The following PITPNM2 variants were observed in gnomAD, a reference collection of about 807,000 sequenced individuals.
The protein encoded by PITPNM2 is membrane-associated phosphatidylinositol transfer protein 2.
PITPNM2 carries 35 observed loss-of-function variants against 132.2 expected under a neutral mutation model. The ratio of observed to expected loss-of-function variants is 0.26; its 90% CI spans 0.20 to 0.35. PITPNM2 has a LOEUF of 0.35. Ranked by LOEUF, PITPNM2 falls within the 10% of genes least tolerant of loss-of-function variation. The pLI is 1.00. For synonymous variants in PITPNM2, 738 were observed against 799.2 expected, an observed-to-expected ratio of 0.92 and a Z score of 1.29; for missense variants, 1,332 against 1,912.0, an observed-to-expected ratio of 0.70 and a Z score of 5.66.
chr12:123,073,931 C>T (rs566543668), intron 2 of PITPNM2, among the ~76,000 whole-genome samples: 39 of 152,318 alleles, frequency 2.6e-4, no homozygotes, highest in Non-Finnish European at 2.5e-4. Context: ...TGAGCACCCC[C>T]CAGCTCTCCT....
rs116081020 is a variant in PITPNM2 at position 123,082,175 on chromosome 12, G to A, written c.-96+28210C>T. Among the ~76,000 whole-genome samples, 7 of 152,230 alleles carry A rather than the reference G, an allele frequency of 4.6e-5. No individual in the cohort carries two copies. Among genetic ancestry groups the A allele is most frequent in the South Asian group, 2.1e-4 (1 of 4,824 alleles). The stretch of plus-strand genomic sequence containing the variant: ...GCAGGCTCTGCCCTGCCACCTCTCC[G>A]CCCTGGCAAGGCCGTGGGCAAGTTC... On this transcript the variant is annotated intron_variant, in intron 2 of 25. Coordinates refer to ENST00000320201, the MANE Select transcript of PITPNM2 (RefSeq NM_020845.3). This position sits in a 1 kb window ranked among gnomAD's most constrained non-coding sequence, Gnocchi z 5.4.
intron 2 of PITPNM2, among the ~76,000 whole-genome samples, chr12:123,067,244 T>C (rs920853996): frequency 4.6e-5 from 7 of 151,860 alleles, no homozygotes; most frequent in Non-Finnish European, 8.8e-5. Context: ...ACACCTGAGG[T>C]CAGGAGTTCG....
intron 2 of PITPNM2, among the ~76,000 whole-genome samples, chr12:123,045,481 T>C (rs2040622612): frequency 6.6e-6 from 1 of 152,318 alleles, no homozygotes. Context: ...CACAAATGGA[T>C]TGAATGTTGG....
chr12:122,988,258 G>A lies in PITPNM2; in HGVS notation c.2973C>T (p.Arg991=), dbSNP rs1489478183. The change falls in exon 20 of 26, where the codon CGC becomes CGT. Residue 991 remains arginine, a synonymous_variant. Coordinates refer to ENST00000320201, the MANE Select transcript of PITPNM2 (RefSeq NM_020845.3). ...TPSKPREKWQ[R]KRTHVKLRNV... ...CCCGCAGCTTCACGTGGGTCCGCTT[G>A]CGCTGCCACTTCTCCCTTGGCTTTG... 6.2e-7 allele frequency: 1 copy of A among 1,612,992 alleles called. No homozygotes were observed. The highest frequency in any genetic ancestry group is 1.7e-5 in the Admixed American group (1 of 60,030).
intron 2 of PITPNM2, chr12:123,089,020 A>G (rs996319225): frequency 6.6e-6 from 1 of 152,246 alleles, no homozygotes; most frequent in African/African-American, 2.4e-5. Context: ...TGTTGGGCTT[A>G]CTTGCTTACA....
At chr12:123,014,250 G>A (rs185701229) in intron 3 of PITPNM2, among the ~76,000 whole-genome samples, 1 of 152,316 alleles carries the variant, frequency 6.6e-6, no homozygotes, top group East Asian at 1.9e-4. Flanking sequence ...CCCTCTCCCA[G>A]ACCTAGTGCT....
intron 1 of PITPNM2, among the ~76,000 whole-genome samples, chr12:123,124,472 G>A (rs2043097774): frequency 6.6e-6 from 1 of 152,038 alleles, no homozygotes. Context: ...AATATATACA[G>A]AGAATCTCTC....
At chr12:123,073,239 C>T (rs1419590385) in intron 2 of PITPNM2, among the ~76,000 whole-genome samples, 2 of 152,162 alleles carry the variant, frequency 1.3e-5, no homozygotes, top group African/African-American at 4.8e-5. Flanking sequence ...AGTCTCTAAG[C>T]TACGGAAAAA....
intron 12 of PITPNM2, 71 bp downstream of exon 12, chr12:122,996,650 T>C: frequency 1.2e-6 from 2 of 1,611,248 alleles, no homozygotes; most frequent in Non-Finnish European, 1.7e-6. Flanking sequence ...GGCCGTCACC[T>C]TCCCCCTGAG....
intron 2 of PITPNM2, among the ~76,000 whole-genome samples, chr12:123,049,663 T>C (rs189325657): frequency 4.7e-4 from 72 of 152,238 alleles, no homozygotes; most frequent in African/African-American, 1.7e-3. Flanking sequence ...TTGCCACACT[T>C]TGCAATGATC....
intron 2 of PITPNM2, among the ~76,000 whole-genome samples, chr12:123,100,279 A>G (rs547669986): frequency 2.0e-5 from 3 of 152,340 alleles, no homozygotes; most frequent in African/African-American, 7.2e-5. Context: ...CATATGACCC[A>G]GCAATTCCAC....
chr12:123,081,781 G>A (rs558361003), intron 2 of PITPNM2: 4 of 152,276 alleles, frequency 2.6e-5, no homozygotes, highest in Admixed American at 6.5e-5. Context: ...GTAGGCAAAA[G>A]TCTGTCTGCT....
At chr12:123,034,033 T>C (rs564525724) in intron 3 of PITPNM2, among the ~76,000 whole-genome samples, 1 of 152,122 alleles carries the variant, frequency 6.6e-6, no homozygotes, top group East Asian at 1.9e-4. Flanking sequence ...CTCTGCCATG[T>C]TAGGAAACAG....
rs1315147450 is a variant in PITPNM2, at chr12:123,111,701, T to A, written c.-199-1213A>T. Among the ~76,000 whole-genome samples the A allele has an allele frequency of 3.3e-5, 5 of 152,180 alleles. No homozygotes were observed. The highest frequency in any genetic ancestry group is 7.3e-5 in the Non-Finnish European group (5 of 68,028). ...TGGGACTGAGGCTCCATCGCTGTCC[T>A]GCCCCAGCCCCTTGTCTCCACGGCT... On this transcript the variant is annotated intron_variant, in intron 1 of 25. Coordinates refer to ENST00000320201, the MANE Select transcript of PITPNM2 (RefSeq NM_020845.3). The surrounding 1 kb of genome is among the most constrained non-coding windows in gnomAD (Gnocchi z 4.1).
In PITPNM2 at chr12:123,058,067, C is replaced by T. The variant is rs1168262001; in HGVS notation, c.-95-23382G>A. 1.3e-5 allele frequency among the ~76,000 whole-genome samples: 2 copies of T among 152,228 alleles called. No individual in the cohort carries two copies. On this transcript the variant is annotated intron_variant, in intron 2 of 25. Coordinates refer to ENST00000320201, the MANE Select transcript of PITPNM2 (RefSeq NM_020845.3). The surrounding 1 kb of genome is among the most constrained non-coding windows in gnomAD (Gnocchi z 4.0). ...AAAAAACAAACTATGCCTTCATCCCCTGACCTTTTACTCTTCAAAGTACTT... is the reference window on the plus strand; with the variant it reads ...AAAAAACAAACTATGCCTTCATCCCTTGACCTTTTACTCTTCAAAGTACTT...
At chr12:123,055,350 G>A (rs1173699303) in intron 2 of PITPNM2, among the ~76,000 whole-genome samples, 1 of 152,180 alleles carries the variant, frequency 6.6e-6, no homozygotes, top group Admixed American at 6.5e-5. Flanking sequence ...GACCACCCAT[G>A]AAATATGAGC....
intron 2 of PITPNM2, among the ~76,000 whole-genome samples, chr12:123,062,781 G>A (rs1173145023): frequency 6.6e-6 from 1 of 152,212 alleles, no homozygotes; most frequent in African/African-American, 2.4e-5. Context: ...GGTTTTCAGT[G>A]TGCTGGATTT....
Position 123,005,888 on chromosome 12 carries a change from A to G in PITPNM2, c.644-340T>C. ...TTAGGTGGGAGGACAGCTTGAGTCC[A>G]AGGGTTTGAGATCAGCCTGGGCAAC... is the stretch of plus-strand genomic sequence containing the variant. On this transcript the variant is annotated intron_variant, in intron 6 of 25. Coordinates refer to ENST00000320201, the MANE Select transcript of PITPNM2 (RefSeq NM_020845.3). This position sits in a 1 kb window ranked among gnomAD's most constrained non-coding sequence, Gnocchi z 6.2. The G allele has an allele frequency of 3.7e-6, 1 of 272,254 alleles. No individual in the cohort carries two copies. 16.9% of individuals were successfully genotyped at this position (272,254 alleles called of 1,614,324 possible). A position where few individuals can be genotyped will look rare whatever the true frequency, so the allele number is the denominator to read the frequency against.
rs1010043786 is a variant in PITPNM2, at chr12:123,150,418, C to G, written c.-200+335G>C. Among the ~76,000 whole-genome samples, 3 of 152,120 alleles carry G rather than the reference C, an allele frequency of 2.0e-5. No homozygotes were observed. The highest frequency in any genetic ancestry group is 7.2e-5 in the African/African-American group (3 of 41,436). The stretch of plus-strand genomic sequence containing the variant: ...GGCACCGGCACTGCCCACGCCTGCC[C>G]CCCGACCGCTATGACACTTGTCCCT... On this transcript the variant is annotated intron_variant, in intron 1 of 25. Transcript: ENST00000320201. This position sits in a 1 kb window ranked among gnomAD's most constrained non-coding sequence, Gnocchi z 6.0.
Sources: gnomAD v4.1 joint callset for allele counts (sites outside exome capture counted in the v4.1 genomes callset) on GRCh38, gnomAD v4.1.1 for gene constraint, Gnocchi (gnomAD v3.1) non-coding constraint, MANE v1.5 for transcripts, NCBI Gene and HGNC (gene_info 2026-07-23, HGNC 2026-07-21) for gene names.